Variants in RPN2 observed in about 807,000 individuals in gnomAD.
RPN2 encodes the protein dolichyl-diphosphooligosaccharide--protein glycosyltransferase subunit 2.
In RPN2, 29 loss-of-function variants were observed where a neutral mutation model predicts 71.4. That is an observed-to-expected ratio of 0.41 (90% CI 0.30 to 0.55). The LOEUF is 0.55. Among genes scored for constraint, RPN2 ranks in the 20% least tolerant of loss-of-function variants. The probability of loss-of-function intolerance (pLI) is 0.35; values close to 1 mark genes in which losing one functional copy is unlikely to be tolerated. For synonymous variants in RPN2, 308 were observed against 305.0 expected, an observed-to-expected ratio of 1.01 and a Z score of -0.10; for missense variants, 726 against 774.1, an observed-to-expected ratio of 0.94 and a Z score of 0.74.
chr20:37,236,600 G>C lies in RPN2; in HGVS notation c.1774G>C (p.Val592Leu), dbSNP rs777407149. ...TGCAGCTATGCTGGGACTCATGTAT[G>C]TCTACTGGACTCAGCTCAACATGTT... ...GHAAMLGLMY[V>L]YWTQLNMFQT... The change falls in exon 16 of 17, where the codon GTC (valine) becomes CTC (leucine). Residue 592 changes from valine to leucine, a missense_variant. Physicochemically the swap from Val to Leu is conservative, Grantham distance 32. Coordinates refer to ENST00000237530, the MANE Select transcript of RPN2 (RefSeq NM_002951.5). 5.0e-6 allele frequency: 8 copies of C among 1,613,994 alleles called. No homozygotes were observed. In the South Asian group the frequency reaches 8.8e-5, roughly 18 times the overall value.
chr20:37,241,477 C>T lies in RPN2; in HGVS notation c.*162C>T. 1.3e-6 allele frequency: 1 copy of T among 771,410 alleles called. No homozygotes were observed. Among genetic ancestry groups the T allele is most frequent in the Non-Finnish European group, 2.2e-6 (1 of 459,584 alleles). The allele number at this position is 771,410 out of a possible 1,614,324, so 47.8% of individuals were successfully genotyped here. Reference sequence around the variant, plus strand: ...TGCTTGTTTTTCAGTTTCCCCAACACACAGCAGATACCTGGTGAGCTCAGA... The same window carrying T: ...TGCTTGTTTTTCAGTTTCCCCAACATACAGCAGATACCTGGTGAGCTCAGA... On this transcript the variant is annotated 3_prime_UTR_variant, in exon 17 of 17. Transcript: ENST00000237530.
chr20:37,191,337 C>T (rs889959287), intron 2 of RPN2, among the ~76,000 whole-genome samples: 3 of 151,986 alleles, frequency 2.0e-5, no homozygotes, highest in Non-Finnish European at 4.4e-5. Context: ...GTTAGCTGGG[C>T]GTGGTGGGCA....
At chr20:37,200,504 A>G (rs1490450200) in intron 4 of RPN2, 2 of 532,570 alleles carry the variant, frequency 3.8e-6, no homozygotes, top group Non-Finnish European at 7.7e-6. Context: ...GGTTGGTGAT[A>G]CCAAATCCCC....
At position 37,234,755 on chromosome 20, in the gene RPN2, A is replaced by T. The variant is rs530236392; in HGVS notation, c.1753+660A>T. ...GAGTGCAGTGGTGCATTCATGGCTC[A>T]CTGCAGCCTTGACCTCCCAGACTCA... is the stretch of plus-strand genomic sequence containing the variant. On this transcript the variant is annotated intron_variant, in intron 15 of 16. Coordinates refer to ENST00000237530, the MANE Select transcript of RPN2 (RefSeq NM_002951.5). 2.0e-5 allele frequency among the ~76,000 whole-genome samples: 3 copies of T among 150,042 alleles called. No homozygotes were observed. In the South Asian group the frequency reaches 6.3e-4, roughly 32 times the overall value.
intron 1 of RPN2, among the ~76,000 whole-genome samples, chr20:37,181,072 GAC>G (rs2066859697): frequency 6.6e-6 from 1 of 151,936 alleles, no homozygotes; most frequent in Non-Finnish European, 1.5e-5. Flanking sequence ...CTACTAAAAA[GAC>G]AAAAATTAGC....
At chr20:37,227,288 G>A (rs148187297) in intron 11 of RPN2, among the ~76,000 whole-genome samples, 4 of 152,370 alleles carry the variant, frequency 2.6e-5, no homozygotes, top group African/African-American at 4.8e-5. Flanking sequence ...TAAACTAGTA[G>A]GATTAGGATT....
chr20:37,230,414 A>T (rs2068207722), intron 13 of RPN2, among the ~76,000 whole-genome samples: 1 of 152,208 alleles, frequency 6.6e-6, no homozygotes, highest in African/African-American at 2.4e-5. Flanking sequence ...ATGGGGCGAC[A>T]GGTGGGAAAA....
intron 2 of RPN2, among the ~76,000 whole-genome samples, chr20:37,186,007 C>T (rs540477493): frequency 6.6e-6 from 1 of 152,358 alleles, no homozygotes. Flanking sequence ...TCCTTGCTAG[C>T]TGTCTGCTAG....
At chr20:37,207,939 T>G (rs543927701) in intron 7 of RPN2, among the ~76,000 whole-genome samples, 1 of 152,264 alleles carries the variant, frequency 6.6e-6, no homozygotes, top group South Asian at 2.1e-4. Context: ...ATTACAGGTA[T>G]GAGCCACTGT....
chr20:37,215,292 A>C (rs1347382797), intron 9 of RPN2, among the ~76,000 whole-genome samples: 4 of 152,198 alleles, frequency 2.6e-5, no homozygotes, highest in Non-Finnish European at 5.9e-5. Flanking sequence ...CCATAGGTAG[A>C]TTCAACACTT....
At chr20:37,236,044 G>A (rs1395424560) in intron 15 of RPN2, among the ~76,000 whole-genome samples, 3 of 152,074 alleles carry the variant, frequency 2.0e-5, no homozygotes, top group South Asian at 2.1e-4. Flanking sequence ...AGAAATAGTT[G>A]TAAGCAGGAA....
chr20:37,231,021 A>AAGGC (rs1303672608), intron 13 of RPN2, among the ~76,000 whole-genome samples: 1 of 151,882 alleles, frequency 6.6e-6, no homozygotes, highest in African/African-American at 2.4e-5. Flanking sequence ...ACAAGCAGAA[A>AAGGC]AGGCAGGCAC....
At chr20:37,211,261 C>T (rs968813701) in intron 8 of RPN2, among the ~76,000 whole-genome samples, 4 of 151,492 alleles carry the variant, frequency 2.6e-5, no homozygotes, top group Admixed American at 1.3e-4. Context: ...TCTTGAACTC[C>T]TGACCTCAAG....
rs146823851 is a variant in RPN2 at position 37,192,103 on chromosome 20, A to G, written c.208-6294A>G. ...GGCAACAAAGCAAGACCCTGTCTCA[A>G]AGAAACCAAATTACTTTAAAAAAAT... is the stretch of plus-strand genomic sequence containing the variant. On this transcript the variant is annotated intron_variant, in intron 2 of 16. Transcript: ENST00000237530. 2.6e-3 allele frequency among the ~76,000 whole-genome samples: 403 copies of G among 152,248 alleles called. 3 individuals carry two copies. Among genetic ancestry groups the G allele is most frequent in the African/African-American group, 9.3e-3 (386 of 41,538 alleles).
At chr20:37,231,543 T>C (rs1332732588) in intron 13 of RPN2, among the ~76,000 whole-genome samples, 1 of 151,852 alleles carries the variant, frequency 6.6e-6, no homozygotes, top group Non-Finnish European at 1.5e-5. Flanking sequence ...AGACTCTGTC[T>C]CTACAAAGAA....
rs1035476916 is a variant in RPN2, at chr20:37,205,001, T to G, written c.690+100T>G. 3 of 1,528,266 alleles carry G rather than the reference T, an allele frequency of 2.0e-6. No homozygotes were observed. In the African/African-American group the frequency reaches 4.1e-5, roughly 21 times the overall value. 94.7% of individuals were successfully genotyped at this position (1,528,266 alleles called of 1,614,324 possible). A position where few individuals can be genotyped will look rare whatever the true frequency, so the allele number is the denominator to read the frequency against. On this transcript the variant is annotated intron_variant, in intron 6 of 16. Transcript: ENST00000237530. ...AGAGAGGAATGTTCAGACAGTACCT[T>G]GGGATGCTGTCACTCAGTGTCCTGG...
At position 37,207,310 on chromosome 20, in the gene RPN2, A is replaced by G; in HGVS notation, c.728A>G (p.Lys243Arg). The change falls in exon 7 of 17, where the codon AAG becomes AGG. Residue 243 changes from lysine (K) to arginine (R), a missense_variant. Coordinates refer to ENST00000237530, the MANE Select transcript of RPN2 (RefSeq NM_002951.5). ...VIQLMNAIFS[K>R]KNFESLSEAF... ...CAGCTGATGAACGCGATCTTCAGCAAGAAGAACTTTGAGTCCCTCTCCGAA... is the reference window on the plus strand; with the variant it reads ...CAGCTGATGAACGCGATCTTCAGCAGGAAGAACTTTGAGTCCCTCTCCGAA... 6.2e-7 allele frequency: 1 copy of G among 1,614,112 alleles called. No individual in the cohort carries two copies. The highest frequency in any genetic ancestry group is 8.5e-7 in the Non-Finnish European group (1 of 1,179,928).
rs2067451519 is a variant in RPN2, at chr20:37,203,888, A to G, written c.483A>G (p.Thr161=). The G allele has an allele frequency of 6.2e-7, 1 of 1,613,288 alleles. No homozygotes were observed. Residue 161 remains threonine (T), a synonymous_variant, in exon 5 of 17, where the codon ACA becomes ACG. Coordinates refer to ENST00000237530, the MANE Select transcript of RPN2 (RefSeq NM_002951.5). ...GGTTCTACTCTTTACCTTCCAGAAC[A>G]GTCCAGGCTCTGCAGACAGCATCCC... The part of the protein sequence containing the change: ...RLSKEETVLA[T]VQALQTASHL...
In RPN2 at chr20:37,206,868, C is replaced by G. The variant is rs907366024; in HGVS notation, c.691-405C>G. 2.6e-5 allele frequency among the ~76,000 whole-genome samples: 4 copies of G among 152,132 alleles called. No homozygotes were observed. In the South Asian group the frequency reaches 8.3e-4, roughly 32 times the overall value. On this transcript the variant is annotated intron_variant, in intron 6 of 16. Transcript: ENST00000237530. The stretch of plus-strand genomic sequence containing the variant: ...GGATTACAGGCGCATGCCACCATGC[C>G]TGACTAATTTTTGTATTTTTAGTAG...
Sources: allele counts gnomAD v4.1 joint callset (sites outside exome capture counted in the v4.1 genomes callset), GRCh38; gene constraint gnomAD v4.1.1; transcripts MANE v1.5; gene names NCBI Gene and HGNC (gene_info 2026-07-23, HGNC 2026-07-21).